The following FZR1 variants were observed in gnomAD, a reference collection of about 807,000 sequenced individuals.
FZR1 encodes the protein fizzy and cell division cycle 20 related 1.
Under a neutral mutation model 63.6 loss-of-function variants are expected in FZR1, and 11 were observed. The observed-to-expected ratio is 0.17, with a 90% CI of 0.11 to 0.29. The LOEUF (loss-of-function observed/expected upper bound fraction) is 0.29. FZR1 is among the 10% of genes least tolerant of loss of function. The probability of loss-of-function intolerance (pLI) is 1.00; values close to 1 mark genes in which losing one functional copy is unlikely to be tolerated. For missense variants in FZR1, 440 were observed against 687.5 expected (o/e 0.64, Z 4.03); for synonymous variants, 328 against 297.9 (o/e 1.10, Z -1.04).
chr19:3,528,192 T>C (rs533507803), intron 7 of FZR1, among the ~76,000 whole-genome samples: 10 of 152,274 alleles, frequency 6.6e-5, no homozygotes, highest in African/African-American at 2.4e-4. Context: ...CAGGGGCCAC[T>C]ATGACCACCG....
At chr19:3,518,810 ACCAT>A (rs2083077703) in intron 1 of FZR1, among the ~76,000 whole-genome samples, 1 of 152,128 alleles carries the variant, frequency 6.6e-6, no homozygotes, top group African/African-American at 2.4e-5. Flanking sequence ...GCTGCAGTGA[ACCAT>A]GATCAAACTA....
chr19:3,528,788 T>C (rs2083191851), intron 7 of FZR1, among the ~76,000 whole-genome samples: 1 of 122,160 alleles, frequency 8.2e-6, no homozygotes, highest in Non-Finnish European at 1.7e-5. Context: ...GGTGCGTGGA[T>C]GGGAGAGTGG....
intron 1 of FZR1, among the ~76,000 whole-genome samples, chr19:3,510,419 C>T (rs774859573): frequency 6.6e-6 from 1 of 152,206 alleles, no homozygotes; most frequent in African/African-American, 2.4e-5. Context: ...ACTGGCGGAG[C>T]CAGCATGCCC....
rs577619430 is a variant in FZR1, at chr19:3,526,514, G to A, written c.387+128G>A. 1.6e-4 allele frequency: 113 copies of A among 690,978 alleles called. 2 individuals are homozygous for A. In the South Asian group the frequency reaches 1.8e-3, roughly 11 times the overall value. 42.8% of individuals were successfully genotyped at this position (690,978 alleles called of 1,614,324 possible). A position where few individuals can be genotyped will look rare whatever the true frequency, so the allele number is the denominator to read the frequency against. ...GGCCCAGCCACGGCTCAGCACCCCC[G>A]CCCTGACCCTGTTCCTTAGCCAGGT... On this transcript the variant is annotated intron_variant, in intron 5 of 13. Coordinates refer to ENST00000441788, the MANE Select transcript of FZR1 (RefSeq NM_016263.4). This position sits in a 1 kb window ranked among gnomAD's most constrained non-coding sequence, Gnocchi z 5.4.
chr19:3,510,326 G>T (rs944965427), intron 1 of FZR1, among the ~76,000 whole-genome samples: 6 of 152,170 alleles, frequency 3.9e-5, no homozygotes, highest in Middle Eastern at 3.4e-3. Context: ...GTAGAGACGG[G>T]GTTTTACCAT....
At chr19:3,511,153 G>A (rs1013070066) in intron 1 of FZR1, among the ~76,000 whole-genome samples, 5 of 152,248 alleles carry the variant, frequency 3.3e-5, no homozygotes, top group African/African-American at 1.2e-4. Context: ...TTGTGCTGCC[G>A]CAGACCCAGG....
intron 11 of FZR1, 50 bp downstream of exon 11, chr19:3,532,700 G>GC (rs763408404): frequency 1.5e-6 from 2 of 1,301,848 alleles, no homozygotes; most frequent in African/African-American, 1.5e-5. Flanking sequence ...TGTGCGTCCT[G>GC]CTGGCCCCTT....
chr19:3,520,785 G>A (rs943800639), intron 1 of FZR1, among the ~76,000 whole-genome samples: 4 of 152,232 alleles, frequency 2.6e-5, no homozygotes, highest in African/African-American at 7.2e-5. Context: ...CAGGCCAACC[G>A]CCTCAGTATC....
rs992424178 is a variant in FZR1 at position 3,534,985 on chromosome 19, T to C, written c.*149T>C. 2 of 664,166 alleles carry C rather than the reference T, an allele frequency of 3.0e-6. No homozygotes were observed. Among genetic ancestry groups the C allele is most frequent in the Admixed American group, 2.3e-5 (1 of 42,866 alleles). The allele number at this position is 664,166 out of a possible 1,614,324, so 41.1% of individuals were successfully genotyped here. On this transcript the variant is annotated 3_prime_UTR_variant, in exon 14 of 14. Transcript: ENST00000441788. Reference sequence around the variant, plus strand: ...GCTGGGCCTGGAGGATCCTGGAGTCTCATTAAATGCCTGATTGTGAACCAT... The same window carrying C: ...GCTGGGCCTGGAGGATCCTGGAGTCCCATTAAATGCCTGATTGTGAACCAT...
intron 1 of FZR1, among the ~76,000 whole-genome samples, chr19:3,519,747 C>T (rs2083084725): frequency 6.6e-6 from 1 of 152,178 alleles, no homozygotes; most frequent in Non-Finnish European, 1.5e-5. Flanking sequence ...CCCCAGGAGC[C>T]CCTGCCCCCA....
In FZR1 at chr19:3,535,095, A is replaced by G; in HGVS notation, c.*259A>G. Reference sequence around the variant, plus strand: ...TCCCTTCCCAAAGGGCGAGAACCACATTGGACGGTCCCGGCTCAGACCGTC... The same window carrying G: ...TCCCTTCCCAAAGGGCGAGAACCACGTTGGACGGTCCCGGCTCAGACCGTC... On this transcript the variant is annotated 3_prime_UTR_variant, in exon 14 of 14. Transcript: ENST00000441788. 1 of 555,434 alleles carries G rather than the reference A, an allele frequency of 1.8e-6. No individual in the cohort carries two copies. The highest frequency in any genetic ancestry group is 2.0e-5 in the South Asian group (1 of 49,536). The allele number at this position is 555,434 out of a possible 1,614,324, so 34.4% of individuals were successfully genotyped here. A position where few individuals can be genotyped will look rare whatever the true frequency, so the allele number is the denominator to read the frequency against.
intron 1 of FZR1, among the ~76,000 whole-genome samples, chr19:3,511,125 G>A (rs1374014366): frequency 6.6e-6 from 1 of 152,246 alleles, no homozygotes; most frequent in Admixed American, 6.5e-5. Context: ...TCCTCCTCAC[G>A]TGGGGCACTG....
At chr19:3,534,723 T>C in intron 13 of FZR1, 72 bp from the exon 14 acceptor site, 2 of 1,418,512 alleles carry the variant, frequency 1.4e-6, no homozygotes, top group Admixed American at 1.7e-5. Flanking sequence ...CCCCAAAGCC[T>C]TGGGGACCCT....
intron 8 of FZR1, among the ~76,000 whole-genome samples, 191 bp from the exon 9 acceptor site, chr19:3,531,514 TGTGTGCGGG>T (rs2083246821): frequency 6.6e-6 from 1 of 152,244 alleles, no homozygotes; most frequent in African/African-American, 2.4e-5. Context: ...CCAGGCGCAG[TGTGTGCGGG>T]GTGTGCCCGC....
chr19:3,514,456 C>G lies in FZR1; in HGVS notation c.-35+7982C>G, dbSNP rs551079875. Among the ~76,000 whole-genome samples, 1 of 152,312 alleles carries G rather than the reference C, an allele frequency of 6.6e-6. No homozygotes were observed. The highest frequency in any genetic ancestry group is 2.1e-4 in the South Asian group (1 of 4,828). On this transcript the variant is annotated intron_variant, in intron 1 of 13. Coordinates refer to ENST00000441788, the MANE Select transcript of FZR1 (RefSeq NM_016263.4). This position sits in a 1 kb window ranked among gnomAD's most constrained non-coding sequence, Gnocchi z 4.2. ...GCAGCGTCCCTGGCCTCCACCCACT[C>G]CACGCCAGGGGCACCCCCAGTCATG...
rs1277464822 is a variant in FZR1 at position 3,536,106 on chromosome 19, C to T, written c.*1270C>T. 1 of 151,198 alleles carries T rather than the reference C, an allele frequency of 6.6e-6. No homozygotes were observed. The highest frequency in any genetic ancestry group is 2.0e-4 in the East Asian group (1 of 5,008). 9.4% of individuals were successfully genotyped at this position (151,198 alleles called of 1,614,324 possible). ...CCTGCTGTGCTTGGGAACCCCCACT[C>T]CCCACTCCCCACATCCCAACATCCT... On this transcript the variant is annotated 3_prime_UTR_variant, in exon 14 of 14. Transcript: ENST00000441788.
At position 3,526,179 on chromosome 19, in the gene FZR1, C is replaced by G. The variant is rs757634430; in HGVS notation, c.255C>G (p.Gly85=). Residue 85 remains glycine (G), a synonymous_variant, in exon 4 of 14, where the codon GGC becomes GGG. Coordinates refer to ENST00000441788, the MANE Select transcript of FZR1 (RefSeq NM_016263.4). This position sits in a 1 kb window ranked among gnomAD's most constrained non-coding sequence, Gnocchi z 5.4. ...RKAKDATSDN[G]KDGLAYSALL... is the part of the protein sequence containing the mutation. ...CCAAGGACGCCACCTCAGACAACGG[C>G]AAAGGTTAGGGTCCCAGCCCATCCG... 1 of 1,612,758 alleles carries G rather than the reference C, an allele frequency of 6.2e-7. No homozygotes were observed. Among genetic ancestry groups the G allele is most frequent in the Admixed American group, 1.7e-5 (1 of 60,032 alleles).
At position 3,525,861 on chromosome 19, in the gene FZR1, C is replaced by T. The variant is rs536198860; in HGVS notation, c.70-7C>T. The T allele has an allele frequency of 1.2e-6, 2 of 1,610,468 alleles. No homozygotes were observed. Among genetic ancestry groups the T allele is most frequent in the East Asian group, 2.2e-5 (1 of 44,866 alleles). On this transcript the variant is annotated splice_polypyrimidine_tract_variant and splice_region_variant and intron_variant, in intron 2 of 13. Transcript: ENST00000441788. This position sits in a 1 kb window ranked among gnomAD's most constrained non-coding sequence, Gnocchi z 4.2. ...CTGAGAGCAAGCCCTCTGCTGATGC[C>T]CTTCAGGTCACAGAGATGCGGCGGA...
chr19:3,511,042 A>G (rs1048287315), intron 1 of FZR1, among the ~76,000 whole-genome samples: 9 of 152,146 alleles, frequency 5.9e-5, no homozygotes, highest in Non-Finnish European at 8.8e-5. Flanking sequence ...AGATGCAGAG[A>G]TGTGCGGGCC....
Sources: allele counts gnomAD v4.1 joint callset (sites outside exome capture counted in the v4.1 genomes callset), GRCh38; gene constraint gnomAD v4.1.1; non-coding constraint Gnocchi (gnomAD v3.1); transcripts MANE v1.5; gene names NCBI Gene and HGNC (gene_info 2026-07-23, HGNC 2026-07-21).